The following CDH13 variants were observed in gnomAD, a reference collection of about 807,000 sequenced individuals.
CDH13 encodes the protein cadherin 13, also known as cadherin-13.
In CDH13, 24 loss-of-function variants were observed where a neutral mutation model predicts 63.8. The ratio of observed to expected loss-of-function variants is 0.38; its 90% CI spans 0.27 to 0.53. The LOEUF is 0.53. Ranked by LOEUF, CDH13 falls within the 20% of genes least tolerant of loss-of-function variation. CDH13 has a pLI of 0.85. For missense variants in CDH13, 1,049 were observed against 903.1 expected (o/e 1.16, Z -2.07); for synonymous variants, 503 against 355.3 (o/e 1.42, Z -4.67).
chr16:83,674,582 G>C (rs1567506371), intron 9 of CDH13, among the ~76,000 whole-genome samples: 1 of 152,248 alleles, frequency 6.6e-6, no homozygotes, highest in African/African-American at 2.4e-5. Flanking sequence ...AGGCAGAGGG[G>C]GGCTGGTGAT....
chr16:83,684,174 C>A (rs190881053), intron 10 of CDH13, among the ~76,000 whole-genome samples: 43 of 152,248 alleles, frequency 2.8e-4, no homozygotes, highest in African/African-American at 6.0e-4. Context: ...CGAGACCAGC[C>A]TGGCCAACAT....
At chr16:83,455,357 G>T (rs552052567) in intron 6 of CDH13, among the ~76,000 whole-genome samples, 1 of 152,306 alleles carries the variant, frequency 6.6e-6, no homozygotes, top group African/African-American at 2.4e-5. Flanking sequence ...CATCTAAAAT[G>T]CAGGGAGCCT....
intron 4 of CDH13, among the ~76,000 whole-genome samples, chr16:83,202,557 G>T (rs373652016): frequency 1.3e-5 from 2 of 152,054 alleles, no homozygotes; most frequent in Non-Finnish European, 2.9e-5. Context: ...TCAGGATTTC[G>T]GATGAAAATC....
intron 7 of CDH13, among the ~76,000 whole-genome samples, chr16:83,530,784 A>C (rs2075066952): frequency 6.6e-6 from 1 of 151,130 alleles, no homozygotes; most frequent in Non-Finnish European, 1.5e-5. Context: ...AGCCTATGGC[A>C]ATCTCAGATT....
At chr16:83,506,802 A>G (rs936339741) in intron 7 of CDH13, among the ~76,000 whole-genome samples, 2 of 152,226 alleles carry the variant, frequency 1.3e-5, no homozygotes. Flanking sequence ...TCCACATGGC[A>G]AGGAACTGAG....
chr16:83,508,962 G>T (rs1425750983), intron 7 of CDH13, among the ~76,000 whole-genome samples: 1 of 119,456 alleles, frequency 8.4e-6, no homozygotes, highest in African/African-American at 3.2e-5. Context: ...TTTATGCATA[G>T]GTGTGTACAT....
intron 2 of CDH13, among the ~76,000 whole-genome samples, chr16:82,933,033 G>A (rs2042548889): frequency 6.6e-6 from 1 of 152,032 alleles, no homozygotes; most frequent in South Asian, 2.1e-4. Flanking sequence ...ATATTTTTAT[G>A]ACATATCTTT....
chr16:83,044,604 C>A (rs1331464104), intron 3 of CDH13, among the ~76,000 whole-genome samples: 1 of 152,170 alleles, frequency 6.6e-6, no homozygotes, highest in Non-Finnish European at 1.5e-5. Context: ...AAACGTCTTG[C>A]GTTTATATTT....
In CDH13 at chr16:83,594,316, T is replaced by A. The variant is rs6563941; in HGVS notation, c.961-8138T>A. On this transcript the variant is annotated intron_variant, in intron 7 of 13. Coordinates refer to ENST00000567109, the MANE Select transcript of CDH13 (RefSeq NM_001257.5). ...TTAATTCTCACGTATCCTATAAGGA[T>A]TATTCTCCCCCACTTTACAGATGAG... 4.0e-4 allele frequency among the ~76,000 whole-genome samples: 61 copies of A among 152,142 alleles called. 1 individual carries two copies. The East Asian group carries it at 0.011, about 28-fold the overall frequency.
intron 4 of CDH13, among the ~76,000 whole-genome samples, chr16:83,169,631 G>T (rs889905443): frequency 1.3e-5 from 2 of 151,826 alleles, no homozygotes; most frequent in Non-Finnish European, 2.9e-5. Context: ...TCCTATTTGG[G>T]TGTTAATGGC....
At chr16:83,093,550 C>A (rs551496303) in intron 3 of CDH13, among the ~76,000 whole-genome samples, 2 of 151,998 alleles carry the variant, frequency 1.3e-5, no homozygotes, top group East Asian at 3.9e-4. Flanking sequence ...GAACTCCTGA[C>A]CTCAGGTGAT....
At chr16:83,157,644 C>T (rs1292661393) in intron 4 of CDH13, among the ~76,000 whole-genome samples, 2 of 151,524 alleles carry the variant, frequency 1.3e-5, no homozygotes, top group African/African-American at 4.9e-5. Flanking sequence ...CCTGTCATCC[C>T]AGCGCTTTGG....
chr16:83,115,073 A>G (rs980098630), intron 3 of CDH13, among the ~76,000 whole-genome samples: 1 of 152,196 alleles, frequency 6.6e-6, no homozygotes, highest in Non-Finnish European at 1.5e-5. Flanking sequence ...TTATCTAGTT[A>G]TACCTGAATA....
At chr16:82,748,179 C>G (rs2034261219) in intron 1 of CDH13, among the ~76,000 whole-genome samples, 1 of 152,174 alleles carries the variant, frequency 6.6e-6, no homozygotes, top group African/African-American at 2.4e-5. Flanking sequence ...TGCCAAAGCC[C>G]TGGCCACGTC....
chr16:83,011,394 T>A (rs1914138135), intron 2 of CDH13, among the ~76,000 whole-genome samples: 1 of 152,126 alleles, frequency 6.6e-6, no homozygotes, highest in African/African-American at 2.4e-5. Flanking sequence ...GCACATTCAA[T>A]CCCCAGGGAA....
chr16:83,632,612 C>T (rs377710221), intron 8 of CDH13, among the ~76,000 whole-genome samples: 1 of 150,704 alleles, frequency 6.6e-6, no homozygotes, highest in Admixed American at 6.7e-5. Context: ...CATTTTGTCA[C>T]CATTGATGCT....
intron 6 of CDH13, among the ~76,000 whole-genome samples, chr16:83,481,903 C>G (rs146617089): frequency 1.3e-5 from 2 of 152,142 alleles, no homozygotes; most frequent in African/African-American, 4.8e-5. Flanking sequence ...CTGGTGAAAA[C>G]AAAGTGGTGG....
intron 7 of CDH13, among the ~76,000 whole-genome samples, chr16:83,517,833 G>A (rs1028992765): frequency 1.3e-5 from 2 of 152,134 alleles, no homozygotes; most frequent in Admixed American, 6.5e-5. Flanking sequence ...GAATACACGT[G>A]GCACTCTCAC....
At chr16:83,742,585 T>A (rs1240901716) in intron 10 of CDH13, among the ~76,000 whole-genome samples, 1 of 152,238 alleles carries the variant, frequency 6.6e-6, no homozygotes, top group Non-Finnish European at 1.5e-5. Flanking sequence ...AAGACAGCTT[T>A]GAAAATGTCA....
Sources: gnomAD v4.1 joint callset for allele counts (sites outside exome capture counted in the v4.1 genomes callset) on GRCh38, gnomAD v4.1.1 for gene constraint, MANE v1.5 for transcripts, NCBI Gene and HGNC (gene_info 2026-07-23, HGNC 2026-07-21) for gene names.